The following ZIC1 variants were observed in gnomAD, a reference collection of about 807,000 sequenced individuals.
The protein encoded by ZIC1 is zinc finger protein ZIC 1.
ZIC1 carries 4 observed loss-of-function variants against 30.9 expected under a neutral mutation model. The ratio of observed to expected loss-of-function variants is 0.13; its 90% CI spans 0.06 to 0.30. ZIC1 has a LOEUF of 0.30. Among genes scored for constraint, ZIC1 ranks in the 10% least tolerant of loss-of-function variants. The pLI is 1.00. For missense variants in ZIC1, 441 were observed against 639.3 expected (o/e 0.69, Z 3.34); for synonymous variants, 305 against 277.5 (o/e 1.10, Z -0.98).
chr3:147,412,702 G>C (rs934496641), intron 2 of ZIC1, 21 bp downstream of exon 2: 1 of 1,599,656 alleles, frequency 6.3e-7, no homozygotes, highest in Non-Finnish European at 8.6e-7. Flanking sequence ...CACTCTCGTC[G>C]CCCCCTTTGA....
Position 147,410,091 on chromosome 3 carries a change from G to T in ZIC1, c.-22G>T. On this transcript the variant is annotated 5_prime_UTR_variant, in exon 1 of 3. Coordinates refer to ENST00000282928, the MANE Select transcript of ZIC1 (RefSeq NM_003412.4). ...AGGGTGGGGGGGGCGGGGGAGGCCG[G>T]GGCTCGCCCCGAGCAGCCACGATGC... The T allele has an allele frequency of 6.8e-7, 1 of 1,466,508 alleles. No homozygotes were observed. Among genetic ancestry groups the T allele is most frequent in the East Asian group, 2.6e-5 (1 of 38,216 alleles). 90.8% of individuals were successfully genotyped at this position (1,466,508 alleles called of 1,614,324 possible).
At position 147,410,719 on chromosome 3, in the gene ZIC1, AACATGG is replaced by A; in HGVS notation, c.608_613del (p.Asn203_Ala205delinsThr). 1 of 1,614,036 alleles carries A rather than the reference AACATGG, an allele frequency of 6.2e-7. No individual in the cohort carries two copies. The highest frequency in any genetic ancestry group is 8.5e-7 in the Non-Finnish European group (1 of 1,179,958). On this transcript the variant is annotated inframe_deletion, in exon 1 of 3. Transcript: ENST00000282928. ...GCACGGCTACGGGCCCATGAACGTGAACATGGCCGCGCATCACGGCGCCGGCGCCTT... is the reference window on the plus strand; with the variant it reads ...GCACGGCTACGGGCCCATGAACGTGACCGCGCATCACGGCGCCGGCGCCTT...
At position 147,410,481 on chromosome 3, in the gene ZIC1, A is replaced by T. The variant is rs1452591414; in HGVS notation, c.369A>T (p.Ala123=). 6.2e-7 allele frequency: 1 copy of T among 1,606,212 alleles called. No homozygotes were observed. The highest frequency in any genetic ancestry group is 8.5e-7 in the Non-Finnish European group (1 of 1,179,038). The change falls in exon 1 of 3, where the codon GCA becomes GCT. Residue 123 remains alanine (A), a synonymous_variant. Transcript: ENST00000282928. ...GCGCACAGCACAGCCTCTTTGCTGC[A>T]TCGGCCGGGGGCTTCGGGGGCCCAC... ...AASAQHSLFA[A]SAGGFGGPHG...
rs1274728512 is a variant in ZIC1 at position 147,414,032 on chromosome 3, C to A, written c.*481C>A. On this transcript the variant is annotated 3_prime_UTR_variant, in exon 3 of 3. Transcript: ENST00000282928. ...TTTGCATTGGGGGAGGGGGGAGGGACCGGATGGGCGGGGGGAGGGGGAGGG... is the reference window on the plus strand; with the variant it reads ...TTTGCATTGGGGGAGGGGGGAGGGAACGGATGGGCGGGGGGAGGGGGAGGG... 1.1e-4 allele frequency: 3 copies of A among 27,838 alleles called. No individual in the cohort carries two copies. Among genetic ancestry groups the A allele is most frequent in the Non-Finnish European group, 2.0e-4 (3 of 14,734 alleles). The allele number at this position is 27,838 out of a possible 1,614,324, so 1.7% of individuals were successfully genotyped here. A position where few individuals can be genotyped will look rare whatever the true frequency, so the allele number is the denominator to read the frequency against.
Position 147,412,687 on chromosome 3 carries a change from C to A in ZIC1, c.1146+6C>A. 6.2e-7 allele frequency: 1 copy of A among 1,606,304 alleles called. No individual in the cohort carries two copies. Among genetic ancestry groups the A allele is most frequent in the African/African-American group, 1.3e-5 (1 of 74,884 alleles). ...CGCTGCGCAAACACATGAAGGTAAT[C>A]GCCGCACTCTCGTCGCCCCCTTTGA... On this transcript the variant is annotated splice_donor_region_variant and intron_variant, in intron 2 of 2. Coordinates refer to ENST00000282928, the MANE Select transcript of ZIC1 (RefSeq NM_003412.4).
Position 147,410,608 on chromosome 3 carries a change from G to C in ZIC1, c.496G>C (p.Gly166Arg). 6.2e-7 allele frequency: 1 copy of C among 1,613,228 alleles called. No individual in the cohort carries two copies. Among genetic ancestry groups the C allele is most frequent in the Non-Finnish European group, 8.5e-7 (1 of 1,179,854 alleles). Residue 166 changes from glycine to arginine, a missense_variant, in exon 1 of 3, where the codon GGC (glycine) becomes CGC (arginine). Physicochemically the swap from Gly to Arg is moderately radical, Grantham distance 125. Coordinates refer to ENST00000282928, the MANE Select transcript of ZIC1 (RefSeq NM_003412.4). Reference sequence around the variant, plus strand: ...CGTGGTCAACGGGCAGATGAGGCTCGGCTTCTCGGGGGACATGTACCCGCG... The same window carrying C: ...CGTGGTCAACGGGCAGATGAGGCTCCGCTTCTCGGGGGACATGTACCCGCG... ...PNVVNGQMRL[G>R]FSGDMYPRPE...
chr3:147,410,174 G>C lies in ZIC1; in HGVS notation c.62G>C (p.Arg21Pro). ...GGCGTGACCACCTTTGGCGCGTCCC[G>C]CCACCACTCCGCGGGCGACGTGGCC... ...AIGVTTFGAS[R>P]HHSAGDVAER... The change falls in exon 1 of 3, where the codon CGC becomes CCC. Residue 21 changes from arginine (R) to proline (P), a missense_variant. By Grantham distance (103) the Arg-to-Pro change is moderately radical. Transcript: ENST00000282928. 6.3e-7 allele frequency: 1 copy of C among 1,599,796 alleles called. No homozygotes were observed. Among genetic ancestry groups the C allele is most frequent in the Middle Eastern group, 1.7e-4 (1 of 6,050 alleles).
chr3:147,411,896 C>T (rs1198238229), intron 1 of ZIC1, among the ~76,000 whole-genome samples: 1 of 152,124 alleles, frequency 6.6e-6, no homozygotes, highest in East Asian at 1.9e-4. Flanking sequence ...TCTGGGCCCC[C>T]TGCCCCCAAG....
At chr3:147,411,186 C>T (rs548046745) in intron 1 of ZIC1, 92 bp downstream of exon 1, 18 of 1,503,950 alleles carry the variant, frequency 1.2e-5, no homozygotes, top group South Asian at 1.3e-5. Flanking sequence ...AACGCAGCCT[C>T]GGTGGGATCC....
chr3:147,412,444 A>G, intron 1 of ZIC1, 74 bp from the exon 2 acceptor site: 1 of 1,551,288 alleles, frequency 6.4e-7, no homozygotes, highest in Non-Finnish European at 8.7e-7. Flanking sequence ...TTTTTTTTCT[A>G]TTTGTTTAGT....
rs532051348 is a variant in ZIC1, at chr3:147,410,038, C to T, written c.-75C>T. ...TCCTCCTCCTCTTGTTCCTCCTCCTCCTCCCGATTTTCCCTCCTCGGCTGG... is the reference window on the plus strand; with the variant it reads ...TCCTCCTCCTCTTGTTCCTCCTCCTTCTCCCGATTTTCCCTCCTCGGCTGG... On this transcript the variant is annotated 5_prime_UTR_variant, in exon 1 of 3. Coordinates refer to ENST00000282928, the MANE Select transcript of ZIC1 (RefSeq NM_003412.4). 2.9e-6 allele frequency: 4 copies of T among 1,398,326 alleles called. No homozygotes were observed. The East Asian group carries it at 8.2e-5, about 29-fold the overall frequency. The allele number at this position is 1,398,326 out of a possible 1,614,324, so 86.6% of individuals were successfully genotyped here.
chr3:147,413,555 C>A lies in ZIC1; in HGVS notation c.*4C>A. 6.2e-7 allele frequency: 1 copy of A among 1,613,818 alleles called. No individual in the cohort carries two copies. The highest frequency in any genetic ancestry group is 1.1e-5 in the South Asian group (1 of 91,046). ...TTTTAACGAATGGTACGTTTAAAAT[C>A]AGAAACAAAACATCGAACAAAACCC... is the stretch of plus-strand genomic sequence containing the variant. On this transcript the variant is annotated 3_prime_UTR_variant, in exon 3 of 3. Transcript: ENST00000282928.
rs2087415462 is a variant in ZIC1, at chr3:147,414,466, T to G, written c.*915T>G. The G allele has an allele frequency of 6.6e-6, 1 of 152,666 alleles. No individual in the cohort carries two copies. The highest frequency in any genetic ancestry group is 2.4e-5 in the African/African-American group (1 of 41,446). The allele number at this position is 152,666 out of a possible 1,614,324, so 9.5% of individuals were successfully genotyped here. On this transcript the variant is annotated 3_prime_UTR_variant, in exon 3 of 3. Transcript: ENST00000282928. Reference sequence around the variant, plus strand: ...AGGGCCGGTTTATCCATGTTACAGCTCTTCAATATTTATGGCTAGAAGAAC... The same window carrying G: ...AGGGCCGGTTTATCCATGTTACAGCGCTTCAATATTTATGGCTAGAAGAAC...
chr3:147,410,812 C>A lies in ZIC1; in HGVS notation c.700C>A (p.Gln234Lys). Residue 234 changes from glutamine to lysine, a missense_variant, in exon 1 of 3, where the codon CAG (glutamine) becomes AAG (lysine). This residue lies in a region of ZIC1 where 307 missense variants were observed against 355.3 expected (regional missense o/e 0.86). Coordinates refer to ENST00000282928, the MANE Select transcript of ZIC1 (RefSeq NM_003412.4). ...CATCTGCAAGTGGATCGAGCCCGAG[C>A]AGCTGGCCAACCCCAAAAAGTCGTG... is the stretch of plus-strand genomic sequence containing the variant. ...ELICKWIEPEQLANPKKSCNK... is the reference protein window; with the variant it reads ...ELICKWIEPEKLANPKKSCNK... 6.2e-7 allele frequency: 1 copy of A among 1,614,250 alleles called. No homozygotes were observed. Among genetic ancestry groups the A allele is most frequent in the Non-Finnish European group, 8.5e-7 (1 of 1,180,040 alleles).
In ZIC1 at chr3:147,414,353, T is replaced by C. The variant is rs969094782; in HGVS notation, c.*802T>C. 1.3e-5 allele frequency: 2 copies of C among 152,626 alleles called. No individual in the cohort carries two copies. Among genetic ancestry groups the C allele is most frequent in the African/African-American group, 4.8e-5 (2 of 41,450 alleles). 9.5% of individuals were successfully genotyped at this position (152,626 alleles called of 1,614,324 possible). On this transcript the variant is annotated 3_prime_UTR_variant, in exon 3 of 3. Transcript: ENST00000282928. The stretch of plus-strand genomic sequence containing the variant: ...TTATGTAAAGTGATATTAAAAAAGA[T>C]ATAAACTATAACTGTCCGTTACTTT...
At chr3:147,412,953 A>T (rs1478981257) in intron 2 of ZIC1, among the ~76,000 whole-genome samples, 1 of 152,220 alleles carries the variant, frequency 6.6e-6, no homozygotes, top group Non-Finnish European at 1.5e-5. Context: ...GCCCAGAGCT[A>T]GGGCTTTTGC....
Position 147,410,481 on chromosome 3 carries a change from A to G in ZIC1, c.369A>G (p.Ala123=). 1 of 1,606,328 alleles carries G rather than the reference A, an allele frequency of 6.2e-7. No homozygotes were observed. The highest frequency in any genetic ancestry group is 8.5e-7 in the Non-Finnish European group (1 of 1,179,030). The change falls in exon 1 of 3, where the codon GCA becomes GCG. Residue 123 remains alanine (A), a synonymous_variant. Transcript: ENST00000282928. ...GCGCACAGCACAGCCTCTTTGCTGC[A>G]TCGGCCGGGGGCTTCGGGGGCCCAC... is the stretch of plus-strand genomic sequence containing the variant. The part of the protein sequence containing the change: ...AASAQHSLFA[A]SAGGFGGPHG...
Position 147,412,606 on chromosome 3 carries a change from G to T in ZIC1, c.1071G>T (p.Thr357=). Reference sequence around the variant, plus strand: ...GCAAGAAGCACATGCACGTGCACACGAGCGACAAGCCCTATCTTTGCAAGA... The same window carrying T: ...GCAAGAAGCACATGCACGTGCACACTAGCGACAAGCCCTATCTTTGCAAGA... ...SDRKKHMHVH[T]SDKPYLCKMC... is the part of the protein sequence containing the mutation. Residue 357 remains threonine (T), a synonymous_variant, in exon 2 of 3, where the codon ACG becomes ACT. Coordinates refer to ENST00000282928, the MANE Select transcript of ZIC1 (RefSeq NM_003412.4). The T allele has an allele frequency of 6.2e-7, 1 of 1,614,206 alleles. No individual in the cohort carries two copies. Among genetic ancestry groups the T allele is most frequent in the Non-Finnish European group, 8.5e-7 (1 of 1,180,040 alleles).
chr3:147,409,797 G>A lies in ZIC1; in HGVS notation c.-316G>A. On this transcript the variant is annotated 5_prime_UTR_variant, in exon 1 of 3. Coordinates refer to ENST00000282928, the MANE Select transcript of ZIC1 (RefSeq NM_003412.4). ...CTTTCCCCGGGCAGCCTTGACGCGC[G>A]GCCCTCTCGGCAGAGACTGAGCGGC... 1 of 383,580 alleles carries A rather than the reference G, an allele frequency of 2.6e-6. No individual in the cohort carries two copies. Among genetic ancestry groups the A allele is most frequent in the Non-Finnish European group, 4.7e-6 (1 of 214,506 alleles). The allele number at this position is 383,580 out of a possible 1,614,324, so 23.8% of individuals were successfully genotyped here. A position where few individuals can be genotyped will look rare whatever the true frequency, so the allele number is the denominator to read the frequency against.
Sources: allele counts gnomAD v4.1 joint callset (sites outside exome capture counted in the v4.1 genomes callset), GRCh38; gene constraint gnomAD v4.1.1; regional missense constraint gnomAD v4.1.1; transcripts MANE v1.5; gene names NCBI Gene and HGNC (gene_info 2026-07-23, HGNC 2026-07-21).